The following TMEM184C variants were observed in gnomAD, a reference collection of about 807,000 sequenced individuals.
TMEM184C encodes transmembrane protein 34.
TMEM184C carries 25 observed loss-of-function variants against 54.5 expected under a neutral mutation model. The observed-to-expected ratio is 0.46, with a 90% CI of 0.33 to 0.64. The LOEUF (loss-of-function observed/expected upper bound fraction) is 0.64, where lower values mean the gene tolerates loss of function less well. TMEM184C is among the 30% of genes least tolerant of loss of function. The pLI is 0.02. For missense variants in TMEM184C, 335 were observed against 520.3 expected, an observed-to-expected ratio of 0.64 and a Z score of 3.46; for synonymous variants, 148 against 181.5, an observed-to-expected ratio of 0.82 and a Z score of 1.49.
chr4:147,634,282 T>C lies in TMEM184C; in HGVS notation c.1165T>C (p.Ser389Pro), dbSNP rs746160331. 2 of 1,614,170 alleles carry C rather than the reference T, an allele frequency of 1.2e-6. No individual in the cohort carries two copies. The highest frequency in any genetic ancestry group is 2.2e-5 in the South Asian group (2 of 91,084). ...ACAAGATGCAATTTCCATTGCTTCT[T>C]CTATGCCACCTTCACCCATGGGTCA... ...SSQDAISIAS[S>P]MPPSPMGHYQ... Residue 389 changes from serine to proline, a missense_variant, in exon 10 of 10, where the codon TCT becomes CCT. By Grantham distance (74) the Ser-to-Pro change is moderately conservative. Coordinates refer to ENST00000296582, the MANE Select transcript of TMEM184C (RefSeq NM_018241.3).
intron 1 of TMEM184C, among the ~76,000 whole-genome samples, chr4:147,621,315 T>G (rs890941159): frequency 3.3e-5 from 5 of 152,210 alleles, no homozygotes; most frequent in African/African-American, 9.7e-5. Flanking sequence ...GAGAGTTAAC[T>G]TATTCTTGGA....
intron 6 of TMEM184C, 66 bp from the exon 7 acceptor site, chr4:147,631,327 G>A (rs2126553821): frequency 8.1e-7 from 1 of 1,236,930 alleles, no homozygotes; most frequent in South Asian, 1.5e-5. Flanking sequence ...TCTCTGGTAT[G>A]TAACTTTAAT....
At position 147,617,939 on chromosome 4, in the gene TMEM184C, T is replaced by C; in HGVS notation, c.-18T>C. On this transcript the variant is annotated 5_prime_UTR_variant, in exon 1 of 10. Coordinates refer to ENST00000296582, the MANE Select transcript of TMEM184C (RefSeq NM_018241.3). Reference sequence around the variant, plus strand: ...GAGATCTTTTCCCTTGCTAACCGGATCTGATTTGTGCGAAAACATGCCTTG... The same window carrying C: ...GAGATCTTTTCCCTTGCTAACCGGACCTGATTTGTGCGAAAACATGCCTTG... The C allele has an allele frequency of 6.2e-7, 1 of 1,613,948 alleles. No homozygotes were observed. The highest frequency in any genetic ancestry group is 8.5e-7 in the Non-Finnish European group (1 of 1,179,888).
chr4:147,617,733 C>A lies in TMEM184C; in HGVS notation c.-224C>A. Reference sequence around the variant, plus strand: ...CGGGGTGGAGAAGAAAGGATGTTGCCTGCACTGCTCGCCAATAGCACCCTG... The same window carrying A: ...CGGGGTGGAGAAGAAAGGATGTTGCATGCACTGCTCGCCAATAGCACCCTG... On this transcript the variant is annotated 5_prime_UTR_variant, in exon 1 of 10. The change creates a new upstream start codon in the 5' untranslated region. Coordinates refer to ENST00000296582, the MANE Select transcript of TMEM184C (RefSeq NM_018241.3). The A allele has an allele frequency of 1.9e-6, 1 of 528,812 alleles. No homozygotes were observed. The highest frequency in any genetic ancestry group is 3.4e-6 in the Non-Finnish European group (1 of 291,136). 32.8% of individuals were successfully genotyped at this position (528,812 alleles called of 1,614,324 possible).
chr4:147,631,475 G>A lies in TMEM184C; in HGVS notation c.749G>A (p.Cys250Tyr). 1.2e-6 allele frequency: 2 copies of A among 1,607,264 alleles called. No individual in the cohort carries two copies. Among genetic ancestry groups the A allele is most frequent in the Non-Finnish European group, 1.7e-6 (2 of 1,178,564 alleles). The change falls in exon 7 of 10, where the codon TGT (cysteine) becomes TAT (tyrosine). Residue 250 changes from cysteine to tyrosine, a missense_variant. Physicochemically the swap from Cys to Tyr is radical, Grantham distance 194. Coordinates refer to ENST00000296582, the MANE Select transcript of TMEM184C (RefSeq NM_018241.3). Reference protein sequence around the residue: ...SPIQPVGKFLCVKLVVFVSFW... With the variant: ...SPIQPVGKFLYVKLVVFVSFW... The stretch of plus-strand genomic sequence containing the variant: ...ATCCAACCTGTTGGCAAATTTCTTT[G>A]TGTAAAGCTGGTGGTTTTTGTTTCT...
chr4:147,621,170 A>G (rs1732701222), intron 1 of TMEM184C, among the ~76,000 whole-genome samples: 1 of 150,744 alleles, frequency 6.6e-6, no homozygotes, highest in African/African-American at 2.4e-5. Flanking sequence ...ACCTCAGCAC[A>G]CTTTTTTTTT....
Position 147,617,995 on chromosome 4 carries a change from G to A in TMEM184C, c.39G>A (p.Trp13Ter). 6.2e-7 allele frequency: 1 copy of A among 1,614,172 alleles called. No individual in the cohort carries two copies. Among genetic ancestry groups the A allele is most frequent in the Non-Finnish European group, 8.5e-7 (1 of 1,180,020 alleles). Residue 13 changes from tryptophan (W) to a stop codon, truncating the protein, a stop_gained, in exon 1 of 10, where the codon TGG becomes TGA. Coordinates refer to ENST00000296582, the MANE Select transcript of TMEM184C (RefSeq NM_018241.3). LOFTEE classifies it high-confidence loss of function. ...CTCTWRNWRQ[W>*]IRPLVAVIYL... The stretch of plus-strand genomic sequence containing the variant: ...GTACCTGGAGGAACTGGAGACAGTG[G>A]ATTCGACCTTTAGTAGCGGTCATCT...
Position 147,624,796 on chromosome 4 carries a change from T to C in TMEM184C, c.292-8T>C. On this transcript the variant is annotated splice_polypyrimidine_tract_variant and splice_region_variant and intron_variant, in intron 3 of 9. Transcript: ENST00000296582. Reference sequence around the variant, plus strand: ...GCAACTATCTTTAACATCTGTGCTTTTTCATAGTGGATAGCTTTGAAATAT... The same window carrying C: ...GCAACTATCTTTAACATCTGTGCTTCTTCATAGTGGATAGCTTTGAAATAT... 1 of 1,612,084 alleles carries C rather than the reference T, an allele frequency of 6.2e-7. No individual in the cohort carries two copies. The highest frequency in any genetic ancestry group is 2.2e-5 in the East Asian group (1 of 44,782).
chr4:147,624,736 C>T, intron 3 of TMEM184C, 68 bp from the exon 4 acceptor site: 1 of 1,460,474 alleles, frequency 6.8e-7, no homozygotes, highest in South Asian at 1.2e-5. Flanking sequence ...ATTGTGAGTA[C>T]CATGAATGGA....
At chr4:147,625,237 T>C (rs190497756) in intron 4 of TMEM184C, among the ~76,000 whole-genome samples, 214 of 152,330 alleles carry the variant, frequency 1.4e-3, no homozygotes, top group Non-Finnish European at 2.4e-3. Context: ...ATCCAAAAAT[T>C]AAAGTATTGC....
chr4:147,625,984 G>A (rs1252038004), intron 4 of TMEM184C, among the ~76,000 whole-genome samples: 3 of 152,118 alleles, frequency 2.0e-5, no homozygotes, highest in Admixed American at 6.5e-5. Flanking sequence ...TTGGAGAGAG[G>A]TGAAATCATA....
In TMEM184C at chr4:147,623,962, A is replaced by G; in HGVS notation, c.252A>G (p.Ile84Met). ...YTQPELQKPI[I>M]RILWMVPIYS... ...AACCTGAACTACAAAAACCAATAAT[A>G]AGGTATGTCTTAATAATTTTGATTC... The change falls in exon 2 of 10, where the codon ATA (isoleucine) becomes ATG (methionine). Residue 84 changes from isoleucine to methionine, a missense_variant and splice_region_variant. Ile to Met is a conservative substitution (Grantham distance 10). Transcript: ENST00000296582. The G allele has an allele frequency of 6.2e-7, 1 of 1,613,906 alleles. No homozygotes were observed. The highest frequency in any genetic ancestry group is 1.1e-5 in the South Asian group (1 of 91,050).
intron 1 of TMEM184C, 67 bp downstream of exon 1, chr4:147,618,146 C>T (rs1732634055): frequency 3.7e-6 from 6 of 1,601,474 alleles, no homozygotes; most frequent in African/African-American, 1.3e-5. Context: ...GAAAGAGACA[C>T]CCTTACCCCA....
intron 1 of TMEM184C, among the ~76,000 whole-genome samples, chr4:147,619,250 T>TGC (rs1732659671): frequency 6.6e-6 from 1 of 151,746 alleles, no homozygotes; most frequent in African/African-American, 2.4e-5. Context: ...CTGGCTGGAG[T>TGC]GCAGTGGCGC....
intron 5 of TMEM184C, 58 bp downstream of exon 5, chr4:147,628,493 A>T (rs1326715815): frequency 2.2e-6 from 3 of 1,374,968 alleles, no homozygotes; most frequent in Non-Finnish European, 3.1e-6. Flanking sequence ...TTATGTGGGA[A>T]CAACTAAGTA....
At chr4:147,622,429 A>G (rs1034950059) in intron 1 of TMEM184C, among the ~76,000 whole-genome samples, 5 of 152,230 alleles carry the variant, frequency 3.3e-5, no homozygotes, top group Admixed American at 2.0e-4. Context: ...ATTACAATAT[A>G]TAATTGTTCT....
chr4:147,618,078 AG>A lies in TMEM184C; in HGVS notation c.123+1del. 1 of 1,613,992 alleles carries A rather than the reference AG, an allele frequency of 6.2e-7. No homozygotes were observed. Among genetic ancestry groups the A allele is most frequent in the Non-Finnish European group, 8.5e-7 (1 of 1,179,950 alleles). ...TGCGTGTGGGAATTACAGAAACTGG[AG>A]GTAAGAGGGTTCTGCACCATCAGCC... ...PLCVWELQKLEVGIHTKAWFI... is the reference protein window; with the variant it reads ...PLCVWELQKLXVGIHTKAWFI... On this transcript the variant is annotated frameshift_variant and splice_region_variant, in exon 1 of 10. Coordinates refer to ENST00000296582, the MANE Select transcript of TMEM184C (RefSeq NM_018241.3). LOFTEE classifies it high-confidence loss of function.
intron 1 of TMEM184C, among the ~76,000 whole-genome samples, chr4:147,620,962 ATACCAT>A (rs1395786061): frequency 1.3e-5 from 2 of 152,210 alleles, no homozygotes; most frequent in Non-Finnish European, 2.9e-5. Context: ...CCGTGAGAAA[ATACCAT>A]AGCCTGAGTG....
At position 147,617,768 on chromosome 4, in the gene TMEM184C, A is replaced by G; in HGVS notation, c.-189A>G. ...CGCCAATAGCACCCTGAGAGGCTAC[A>G]TTTGCAGAAGCAGCAGCAGCAGAAG... On this transcript the variant is annotated 5_prime_UTR_variant, in exon 1 of 10. Coordinates refer to ENST00000296582, the MANE Select transcript of TMEM184C (RefSeq NM_018241.3). 2.8e-6 allele frequency: 2 copies of G among 703,140 alleles called. No homozygotes were observed. Among genetic ancestry groups the G allele is most frequent in the East Asian group, 2.7e-5 (1 of 36,878 alleles). The allele number at this position is 703,140 out of a possible 1,614,324, so 43.6% of individuals were successfully genotyped here.
Sources: allele counts gnomAD v4.1 joint callset (sites outside exome capture counted in the v4.1 genomes callset), GRCh38; gene constraint gnomAD v4.1.1; transcripts MANE v1.5; gene names NCBI Gene and HGNC (gene_info 2026-07-23, HGNC 2026-07-21).